The following PDE4D variants were observed in gnomAD, a reference collection of about 807,000 sequenced individuals.
PDE4D encodes the protein 3',5'-cyclic-AMP phosphodiesterase 4D.
A neutral mutation model predicts 87.4 loss-of-function variants in PDE4D; 24 were observed. The observed-to-expected ratio is 0.27, with a 90% confidence interval of 0.20 to 0.39. The LOEUF (loss-of-function observed/expected upper bound fraction) is 0.39. PDE4D is among the 10% of genes least tolerant of loss of function. The pLI is 1.00. For missense variants in PDE4D, 714 were observed against 1,041.0 expected, an observed-to-expected ratio of 0.69 and a Z score of 4.32; for synonymous variants, 384 against 383.2, an observed-to-expected ratio of 1.00 and a Z score of -0.02.
chr5:60,303,307 CTTTT>C (rs879522679), intron 1 of PDE4D, among the ~76,000 whole-genome samples: 5 of 127,822 alleles, frequency 3.9e-5, no homozygotes, highest in Admixed American at 7.8e-5. Context: ...ATCTGGATTT[CTTTT>C]TTTTTTTTTT....
At chr5:59,200,914 A>G (rs1056822040) in intron 2 of PDE4D, among the ~76,000 whole-genome samples, 4 of 152,062 alleles carry the variant, frequency 2.6e-5, no homozygotes, top group Non-Finnish European at 5.9e-5. Flanking sequence ...TTATAGAATT[A>G]GAGTCATAGT....
At chr5:60,144,433 C>G (rs1274217340) in intron 2 of PDE4D, among the ~76,000 whole-genome samples, 2 of 152,210 alleles carry the variant, frequency 1.3e-5, no homozygotes, top group Non-Finnish European at 2.9e-5. Flanking sequence ...CTTTCTGTAG[C>G]AGGCAGGACT....
In PDE4D at chr5:60,476,216, G is replaced by C. The variant is rs1439344912; in HGVS notation, c.-90+11726C>G. ...CATCAGTAACTATTAAAATTTAAAAGTTCATGCATGTGACATAGCACCTAA... is the reference window on the plus strand; with the variant it reads ...CATCAGTAACTATTAAAATTTAAAACTTCATGCATGTGACATAGCACCTAA... On this transcript the variant is annotated intron_variant, in intron 1 of 16. Coordinates refer to the PDE4D transcript ENST00000502484. Among the ~76,000 whole-genome samples the C allele has an allele frequency of 2.6e-5, 4 of 152,134 alleles. No homozygotes were observed. In the East Asian group the frequency reaches 7.7e-4, roughly 29 times the overall value.
intron 1 of PDE4D, among the ~76,000 whole-genome samples, chr5:59,508,078 T>C (rs1258309328): frequency 6.6e-6 from 1 of 152,200 alleles, no homozygotes; most frequent in Non-Finnish European, 1.5e-5. Flanking sequence ...CCCACAGGGA[T>C]AACTAAGTAC....
At chr5:60,366,292 G>A (rs1035020043) in intron 1 of PDE4D, among the ~76,000 whole-genome samples, 1 of 151,632 alleles carries the variant, frequency 6.6e-6, no homozygotes, top group African/African-American at 2.4e-5. Flanking sequence ...ATGTTTATTT[G>A]TAGGACACCA....
intron 5 of PDE4D, among the ~76,000 whole-genome samples, chr5:59,135,543 A>G (rs992384577): frequency 1.3e-5 from 2 of 152,198 alleles, no homozygotes; most frequent in African/African-American, 4.8e-5. Context: ...TTTAAACACA[A>G]TCCTCTCTGG....
At chr5:59,868,878 C>T (rs1747419778) in intron 1 of PDE4D, among the ~76,000 whole-genome samples, 1 of 152,210 alleles carries the variant, frequency 6.6e-6, no homozygotes, top group Non-Finnish European at 1.5e-5. Flanking sequence ...AAATACCAAA[C>T]TATTTCCCAT....
chr5:58,998,567 A>G (rs1424896398), intron 6 of PDE4D, among the ~76,000 whole-genome samples: 1 of 152,210 alleles, frequency 6.6e-6, no homozygotes, highest in African/African-American at 2.4e-5. Context: ...TGGACAACCA[A>G]GACTGAAATA....
At chr5:59,934,329 T>G (rs16890369) in intron 3 of PDE4D, among the ~76,000 whole-genome samples, 6,629 of 152,278 alleles carry the variant, frequency 0.044, 210 homozygotes, top group Middle Eastern at 0.17. Context: ...ATGATACTGG[T>G]AGAAGAGATG....
intron 3 of PDE4D, among the ~76,000 whole-genome samples, chr5:59,944,464 C>A (rs376193255): frequency 1.8e-4 from 28 of 152,276 alleles, no homozygotes; most frequent in African/African-American, 6.7e-4. Flanking sequence ...GCTCCGCCTC[C>A]GGGGTTGACG....
At chr5:59,490,340 A>G (rs959333807) in intron 1 of PDE4D, among the ~76,000 whole-genome samples, 8 of 152,180 alleles carry the variant, frequency 5.3e-5, no homozygotes, top group Admixed American at 1.3e-4. Flanking sequence ...ACCATAGCAA[A>G]TAAGTACTAA....
chr5:59,328,487 ACATAT>A (rs1776117281), intron 1 of PDE4D, among the ~76,000 whole-genome samples: 1 of 152,210 alleles, frequency 6.6e-6, no homozygotes, highest in African/African-American at 2.4e-5. Flanking sequence ...TTTAACATAT[ACATAT>A]CAGAGGTTGG....
chr5:59,855,719 A>T (rs1745328724), intron 1 of PDE4D, among the ~76,000 whole-genome samples: 1 of 152,180 alleles, frequency 6.6e-6, no homozygotes, highest in African/African-American at 2.4e-5. Flanking sequence ...AGAAGAAATT[A>T]TTGCCATTCA....
chr5:59,768,343 GGAGA>G (rs1200840504), intron 1 of PDE4D: 6 of 1,598,320 alleles, frequency 3.8e-6, no homozygotes, highest in Non-Finnish European at 5.1e-6. Context: ...AGAGATCACT[GGAGA>G]GAGCTTGGGA....
intron 1 of PDE4D, among the ~76,000 whole-genome samples, chr5:59,552,548 G>A (rs1302482079): frequency 6.6e-6 from 1 of 151,894 alleles, no homozygotes; most frequent in Admixed American, 6.6e-5. Flanking sequence ...TAATAGAAAC[G>A]ACTCACACTT....
intron 2 of PDE4D, among the ~76,000 whole-genome samples, chr5:60,124,182 T>C (rs1295752072): frequency 6.6e-6 from 1 of 152,170 alleles, no homozygotes; most frequent in Non-Finnish European, 1.5e-5. Flanking sequence ...AAATTAGTTT[T>C]ATTTAATACT....
intron 2 of PDE4D, among the ~76,000 whole-genome samples, chr5:59,994,010 A>C (rs76808253): frequency 1.3e-5 from 2 of 152,152 alleles, no homozygotes; most frequent in East Asian, 1.9e-4. Flanking sequence ...TTCCATAATA[A>C]TTGACACTTA....
chr5:59,502,530 C>T (rs1221203733), intron 1 of PDE4D, among the ~76,000 whole-genome samples: 1 of 151,892 alleles, frequency 6.6e-6, no homozygotes, highest in Non-Finnish European at 1.5e-5. Context: ...TCTAATGAAA[C>T]ATAAATTTAA....
intron 2 of PDE4D, among the ~76,000 whole-genome samples, chr5:59,213,709 G>A (rs796089460): frequency 3.9e-5 from 6 of 152,088 alleles, no homozygotes; most frequent in African/African-American, 1.4e-4. Context: ...GGCTCCTAAT[G>A]CTATTACCTG....
Sources: allele counts gnomAD v4.1 joint callset (sites outside exome capture counted in the v4.1 genomes callset), GRCh38; gene constraint gnomAD v4.1.1; transcripts MANE v1.5; gene names NCBI Gene and HGNC (gene_info 2026-07-23, HGNC 2026-07-21).